The following NFATC2 variants were observed in gnomAD, a reference collection of about 807,000 sequenced individuals.
NFATC2 encodes nuclear factor of activated T cells 2, also known as nuclear factor of activated T-cells, cytoplasmic 2.
In NFATC2, 22 loss-of-function variants were observed where a neutral mutation model predicts 87.3. The observed-to-expected ratio is 0.25, with a 90% CI of 0.18 to 0.36. The LOEUF (loss-of-function observed/expected upper bound fraction) is 0.36. Among genes scored for constraint, NFATC2 ranks in the 10% least tolerant of loss-of-function variants. NFATC2 has a pLI of 1.00. For missense variants in NFATC2, 1,149 were observed against 1,259.1 expected (o/e 0.91, Z 1.32); for synonymous variants, 565 against 542.2 (o/e 1.04, Z -0.58).
At chr20:51,430,441 T>C (rs1243288054) in intron 9 of NFATC2, among the ~76,000 whole-genome samples, 1 of 152,250 alleles carries the variant, frequency 6.6e-6, no homozygotes, top group Admixed American at 6.5e-5. Context: ...ATGGATTGTA[T>C]GCAGGTGTCC....
upstream of NFATC2, chr20:51,542,750 G>A: frequency 7.0e-6 from 4 of 567,896 alleles, no homozygotes; most frequent in Non-Finnish European, 8.1e-6. Flanking sequence ...CCGGGGAGGC[G>A]GGGGGGGGGG....
At chr20:51,503,410 C>T (rs1484885291) in intron 3 of NFATC2, among the ~76,000 whole-genome samples, 4 of 152,212 alleles carry the variant, frequency 2.6e-5, no homozygotes, top group Non-Finnish European at 5.9e-5. Context: ...TCAAATTATC[C>T]TTGCTCACAG....
At chr20:51,479,846 C>T (rs1989081345) in intron 3 of NFATC2, among the ~76,000 whole-genome samples, 1 of 152,204 alleles carries the variant, frequency 6.6e-6, no homozygotes, top group African/African-American at 2.4e-5. Context: ...ACTCCAGCCT[C>T]TCAGGCTCCG....
At position 51,516,815 on chromosome 20, in the gene NFATC2, T is replaced by C. The variant is rs2076358097; in HGVS notation, c.1301A>G (p.Lys434Arg). 2 of 1,612,460 alleles carry C rather than the reference T, an allele frequency of 1.2e-6. No homozygotes were observed. Among genetic ancestry groups the C allele is most frequent in the South Asian group, 2.2e-5 (2 of 90,942 alleles). Residue 434 changes from lysine (K) to arginine (R), a missense_variant, in exon 3 of 11, where the codon AAA (lysine) becomes AGA (arginine). By Grantham distance (26) the Lys-to-Arg change is conservative. Around this residue, in one of 3 missense-constraint regions of NFATC2, gnomAD observed 581 missense variants for 649.7 expected, o/e 0.89. Transcript: ENST00000371564. ...CACAGGGTGGCCTCCAGTTGGAGCT[T>C]TGACAGCCCCTCGGCTGCCTTCTGT... ...YETEGSRGAV[K>R]APTGGHPVVQ...
At chr20:51,522,076 T>C (rs2076454149) in intron 2 of NFATC2, among the ~76,000 whole-genome samples, 1 of 152,192 alleles carries the variant, frequency 6.6e-6, no homozygotes, top group African/African-American at 2.4e-5. Flanking sequence ...GTGCATAGGT[T>C]ATATGCAAAT....
chr20:51,443,419 A>G (rs1984634194), intron 6 of NFATC2, among the ~76,000 whole-genome samples: 1 of 152,176 alleles, frequency 6.6e-6, no homozygotes, highest in African/African-American at 2.4e-5. Flanking sequence ...TGTGCACCCT[A>G]CAGCCAGGGT....
chr20:51,398,295 G>T (rs1014471873), intron 10 of NFATC2, among the ~76,000 whole-genome samples: 1 of 152,054 alleles, frequency 6.6e-6, no homozygotes, highest in African/African-American at 2.4e-5. Flanking sequence ...ACCACGGATG[G>T]AGAGCCTCAT....
At chr20:51,488,756 C>G (rs1221041161) in intron 3 of NFATC2, among the ~76,000 whole-genome samples, 1 of 152,186 alleles carries the variant, frequency 6.6e-6, no homozygotes, top group East Asian at 1.9e-4. Context: ...CTGCATCCAG[C>G]CTCTCGCTAA....
At chr20:51,562,792 G>T (rs886573453), upstream of NFATC2, 1 of 583,002 alleles carries the variant, frequency 1.7e-6, no homozygotes, top group Admixed American at 3.1e-5. This position sits in a 1 kb window ranked among gnomAD's most constrained non-coding sequence, Gnocchi z 5.8. Flanking sequence ...CTCCCGGCTC[G>T]GCGGAGTCGG....
intron 1 of NFATC2, among the ~76,000 whole-genome samples, chr20:51,535,719 C>G (rs550542256): frequency 3.0e-4 from 46 of 152,320 alleles, no homozygotes; most frequent in African/African-American, 1.1e-3. Context: ...TTTAAAATAA[C>G]TTTAGCAGGC....
intron 9 of NFATC2, among the ~76,000 whole-genome samples, chr20:51,403,204 C>T (rs1326167786): frequency 1.3e-5 from 2 of 152,238 alleles, no homozygotes; most frequent in Admixed American, 1.3e-4. Context: ...CAACCATACT[C>T]CCTCCATACC....
In NFATC2 at chr20:51,390,533, AGGTTGTACAGCTGCAG is replaced by A; in HGVS notation, c.*947_*962del. 1.3e-5 allele frequency: 2 copies of A among 152,376 alleles called. No individual in the cohort carries two copies. Among genetic ancestry groups the A allele is most frequent in the Middle Eastern group, 6.8e-3 (2 of 294 alleles). The allele number at this position is 152,376 out of a possible 1,614,324, so 9.4% of individuals were successfully genotyped here. On this transcript the variant is annotated 3_prime_UTR_variant, in exon 11 of 11. Coordinates refer to ENST00000371564, the MANE Select transcript of NFATC2 (RefSeq NM_012340.5). ...CAAGCCGGAACCTTGCAAAGCATCC[AGGTTGTACAGCTGCAG>A]CAGACAGGTGCTTGCTCTCTGCAGC...
upstream of NFATC2, chr20:51,562,785 C>G (rs1170719433): frequency 8.0e-6 from 5 of 622,334 alleles, no homozygotes; most frequent in Non-Finnish European, 1.3e-5. This position sits in a 1 kb window ranked among gnomAD's most constrained non-coding sequence, Gnocchi z 5.8. Context: ...CTCCCGGCTC[C>G]CGGCTCGGCG....
chr20:51,417,223 A>G lies in NFATC2; in HGVS notation c.2722+14844T>C, dbSNP rs1980170596. ...CGGCGCCCAGTAAGGGGGAGGGATC[A>G]TTAGCATTGTTACAATATTTCCTGT... On this transcript the variant is annotated intron_variant, in intron 9 of 10. Transcript: ENST00000371564. Among the ~76,000 whole-genome samples, 3 of 152,136 alleles carry G rather than the reference A, an allele frequency of 2.0e-5. No individual in the cohort carries two copies. The South Asian group carries it at 6.2e-4, about 31-fold the overall frequency.
intron 1 of NFATC2, among the ~76,000 whole-genome samples, chr20:51,534,247 G>A (rs541436454): frequency 2.8e-4 from 42 of 152,040 alleles, no homozygotes; most frequent in African/African-American, 9.2e-4. Flanking sequence ...GGGCTGCAGC[G>A]GGGGCCAGGG....
At chr20:51,392,740 A>C (rs767872998) in intron 10 of NFATC2, among the ~76,000 whole-genome samples, 1 of 152,122 alleles carries the variant, frequency 6.6e-6, no homozygotes, top group Non-Finnish European at 1.5e-5. Context: ...CTTAAGTTAC[A>C]TTGGCAGTGA....
intron 6 of NFATC2, among the ~76,000 whole-genome samples, chr20:51,442,121 A>G (rs748601147): frequency 6.6e-6 from 1 of 152,212 alleles, no homozygotes; most frequent in Non-Finnish European, 1.5e-5. Flanking sequence ...ACCTGAAAAC[A>G]TGACCCTGTT....
At chr20:51,428,513 C>T (rs866364036) in intron 9 of NFATC2, among the ~76,000 whole-genome samples, 1 of 152,194 alleles carries the variant, frequency 6.6e-6, no homozygotes, top group Non-Finnish European at 1.5e-5. Flanking sequence ...AGCCAGCCGG[C>T]GTCTGTGTGC....
At chr20:51,450,729 G>C (rs1419000910) in intron 6 of NFATC2, among the ~76,000 whole-genome samples, 1 of 152,156 alleles carries the variant, frequency 6.6e-6, no homozygotes, top group Non-Finnish European at 1.5e-5. Flanking sequence ...GCTTAGATGA[G>C]ACCACACACG....
Sources: gnomAD v4.1 joint callset for allele counts (sites outside exome capture counted in the v4.1 genomes callset) on GRCh38, gnomAD v4.1.1 for gene constraint, gnomAD v4.1.1 regional missense constraint, Gnocchi (gnomAD v3.1) non-coding constraint, MANE v1.5 for transcripts, NCBI Gene and HGNC (gene_info 2026-07-23, HGNC 2026-07-21) for gene names.